NCOA1: variants seen among roughly 807,000 people sequenced by gnomAD.
NCOA1 encodes the protein nuclear receptor coactivator 1.
In NCOA1, 35 loss-of-function variants were observed where a neutral mutation model predicts 150.9. That is an observed-to-expected ratio of 0.23 (90% confidence interval 0.18 to 0.31). The LOEUF is 0.31. NCOA1 is among the 10% of genes least tolerant of loss of function. The pLI, the probability that NCOA1 is intolerant of heterozygous loss-of-function variation, is 1.00. For synonymous variants in NCOA1, 590 were observed against 630.0 expected, an observed-to-expected ratio of 0.94 and a Z score of 0.95; for missense variants, 1,491 against 1,749.3, an observed-to-expected ratio of 0.85 and a Z score of 2.63.
intron 10 of NCOA1, among the ~76,000 whole-genome samples, chr2:24,695,267 G>C (rs1672845351): frequency 6.6e-6 from 1 of 151,960 alleles, no homozygotes; most frequent in African/African-American, 2.4e-5. Flanking sequence ...TAGCCTCTGG[G>C]CCATAAAATA....
chr2:24,707,249 T>C lies in NCOA1; in HGVS notation c.1779T>C (p.Asn593=), dbSNP rs769392825. 7.4e-6 allele frequency: 12 copies of C among 1,614,034 alleles called. No individual in the cohort carries two copies. Among genetic ancestry groups the C allele is most frequent in the Non-Finnish European group, 1.0e-5 (12 of 1,180,028 alleles). Residue 593 remains asparagine (N), a synonymous_variant, in exon 13 of 23, where the codon AAT becomes AAC. Transcript: ENST00000348332. The part of the protein sequence containing the change: ...KDNKEIASIL[N]EMIQSDNSSS... Reference sequence around the variant, plus strand: ...ACAAAGAGATTGCCTCAATTTTAAATGAAATGATTCAATCTGACAACAGCT... The same window carrying C: ...ACAAAGAGATTGCCTCAATTTTAAACGAAATGATTCAATCTGACAACAGCT...
chr2:24,718,724 A>AC (rs1212966552), intron 14 of NCOA1, among the ~76,000 whole-genome samples: 8 of 144,448 alleles, frequency 5.5e-5, no homozygotes, highest in African/African-American at 1.8e-4. Flanking sequence ...TACTAAAACT[A>AC]CAAAAAAAAA....
intron 14 of NCOA1, 111 bp from the exon 15 acceptor site, chr2:24,726,478 G>T: frequency 1.0e-5 from 6 of 582,638 alleles, no homozygotes; most frequent in South Asian, 2.7e-5. Context: ...TTGTATCATT[G>T]AAGTAATATT....
intron 3 of NCOA1, among the ~76,000 whole-genome samples, chr2:24,616,812 G>A (rs977248105): frequency 6.6e-6 from 1 of 152,164 alleles, no homozygotes; most frequent in Non-Finnish European, 1.5e-5. Flanking sequence ...TTGGAAAACA[G>A]TTGTTAGGGG....
chr2:24,727,259 T>C (rs573453826), intron 15 of NCOA1, among the ~76,000 whole-genome samples: 3 of 152,066 alleles, frequency 2.0e-5, no homozygotes, highest in African/African-American at 7.2e-5. Flanking sequence ...GAGATTGATA[T>C]AATATGTAGC....
At chr2:24,664,401 C>G (rs1671318763) in intron 5 of NCOA1, among the ~76,000 whole-genome samples, 1 of 152,010 alleles carries the variant, frequency 6.6e-6, no homozygotes, top group African/African-American at 2.4e-5. Flanking sequence ...TTTTTATAGT[C>G]TTTAATATTA....
intron 12 of NCOA1, among the ~76,000 whole-genome samples, chr2:24,705,687 T>C (rs934454828): frequency 6.6e-6 from 1 of 152,224 alleles, no homozygotes; most frequent in African/African-American, 2.4e-5. Flanking sequence ...TGCCATTGTC[T>C]CTAATTTGTT....
At chr2:24,509,912 C>T in intron 1 of NCOA1, among the ~76,000 whole-genome samples, 1 of 152,288 alleles carries the variant, frequency 6.6e-6, no homozygotes, top group Middle Eastern at 3.4e-3. Flanking sequence ...TTCAGTACCT[C>T]TTTATTTGTC....
At chr2:24,672,657 A>G (rs1671739497) in intron 6 of NCOA1, among the ~76,000 whole-genome samples, 1 of 152,184 alleles carries the variant, frequency 6.6e-6, no homozygotes, top group Non-Finnish European at 1.5e-5. Context: ...TCTGCCTCCC[A>G]AAGCACTGAG....
chr2:24,726,745 C>A, intron 15 of NCOA1, 39 bp downstream of exon 15: 3 of 1,301,588 alleles, frequency 2.3e-6, no homozygotes, highest in Non-Finnish European at 3.2e-6. Flanking sequence ...GTATCAGATA[C>A]CAACTTCTAA....
Position 24,758,173 on chromosome 2 carries a change from C to T in NCOA1, c.4065+17C>T. 6.3e-7 allele frequency: 1 copy of T among 1,596,992 alleles called. No individual in the cohort carries two copies. The highest frequency in any genetic ancestry group is 1.7e-5 in the Admixed American group (1 of 59,376). ...CCTGAGCAGGTAAGTGGCACACTCG[C>T]CACACACATGCCACACCACATCACA... On this transcript the variant is annotated intron_variant, in intron 21 of 22. Transcript: ENST00000348332.
chr2:24,531,511 G>A (rs1219350343), intron 1 of NCOA1, among the ~76,000 whole-genome samples: 1 of 152,000 alleles, frequency 6.6e-6, no homozygotes, highest in African/African-American at 2.4e-5. Context: ...ACCTGTGCAG[G>A]TTTGTTACAT....
At chr2:24,691,874 C>T (rs990859891) in intron 9 of NCOA1, among the ~76,000 whole-genome samples, 1 of 152,142 alleles carries the variant, frequency 6.6e-6, no homozygotes, top group Non-Finnish European at 1.5e-5. Context: ...CCCAGATTCT[C>T]AGTTTTAAGC....
At chr2:24,680,874 A>G (rs1381980424) in intron 7 of NCOA1, among the ~76,000 whole-genome samples, 1 of 152,154 alleles carries the variant, frequency 6.6e-6, no homozygotes, top group South Asian at 2.1e-4. Context: ...ATCTTAGCTG[A>G]AAAATGCACC....
intron 3 of NCOA1, among the ~76,000 whole-genome samples, chr2:24,633,298 A>G (rs531643237): frequency 3.9e-5 from 6 of 152,248 alleles, no homozygotes; most frequent in African/African-American, 1.4e-4. Flanking sequence ...TAGAAAAGAA[A>G]AACTCAAAGA....
chr2:24,559,702 G>C (rs1382811317), intron 1 of NCOA1, among the ~76,000 whole-genome samples: 1 of 152,108 alleles, frequency 6.6e-6, no homozygotes, highest in Non-Finnish European at 1.5e-5. Context: ...TTTTCCCCTA[G>C]CGGTAGTAGA....
rs530597502 is a variant in NCOA1, at chr2:24,742,885, A to C, written c.3706+699A>C. ...GCATAAGAATAATTTATCTCCACAG[A>C]GTATCTCAGACTACTCATTGGTGTC... On this transcript the variant is annotated intron_variant, in intron 19 of 22. Coordinates refer to ENST00000348332, the MANE Select transcript of NCOA1 (RefSeq NM_003743.5). Among the ~76,000 whole-genome samples the C allele has an allele frequency of 2.0e-5, 3 of 152,286 alleles. No homozygotes were observed. The East Asian group carries it at 5.8e-4, about 29-fold the overall frequency.
chr2:24,556,935 G>A (rs1666094849), intron 1 of NCOA1, among the ~76,000 whole-genome samples: 1 of 151,654 alleles, frequency 6.6e-6, no homozygotes, highest in African/African-American at 2.4e-5. Flanking sequence ...TTTACCTAGT[G>A]CTTGCTCTAG....
chr2:24,707,560 G>A lies in NCOA1; in HGVS notation c.2090G>A (p.Gly697Asp), dbSNP rs1328317066. The A allele has an allele frequency of 6.2e-7, 1 of 1,614,156 alleles. No individual in the cohort carries two copies. The highest frequency in any genetic ancestry group is 8.5e-7 in the Non-Finnish European group (1 of 1,180,026). Reference sequence around the variant, plus strand: ...ATTCTACACCGGCTCTTACAGGAGGGTAGCCCCTCAGATATCACCACTTTG... The same window carrying A: ...ATTCTACACCGGCTCTTACAGGAGGATAGCCCCTCAGATATCACCACTTTG... ...HKILHRLLQEGSPSDITTLSV... is the reference protein window; with the variant it reads ...HKILHRLLQEDSPSDITTLSV... The change falls in exon 13 of 23, where the codon GGT (glycine) becomes GAT (aspartate). Residue 697 changes from glycine to aspartate, a missense_variant. Physicochemically the swap from Gly to Asp is moderately conservative, Grantham distance 94. Coordinates refer to ENST00000348332, the MANE Select transcript of NCOA1 (RefSeq NM_003743.5).
Sources: allele counts gnomAD v4.1 joint callset (sites outside exome capture counted in the v4.1 genomes callset), GRCh38; gene constraint gnomAD v4.1.1; transcripts MANE v1.5; gene names NCBI Gene and HGNC (gene_info 2026-07-23, HGNC 2026-07-21).